Variants in ESRRG observed in about 807,000 individuals in gnomAD.
ESRRG encodes the protein estrogen related receptor gamma, also known as estrogen-related receptor gamma.
A neutral mutation model predicts 44.0 loss-of-function variants in ESRRG; 13 were observed. The observed-to-expected ratio is 0.30, with a 90% CI of 0.19 to 0.47. The LOEUF is 0.47. ESRRG is among the 20% of genes least tolerant of loss of function. ESRRG has a pLI of 1.00. For synonymous variants in ESRRG, 215 were observed against 214.6 expected (o/e 1.00, Z -0.02); for missense variants, 395 against 580.6 (o/e 0.68, Z 3.29).
intron 3 of ESRRG, among the ~76,000 whole-genome samples, chr1:216,597,964 A>G (rs1300842476): frequency 1.3e-5 from 2 of 152,214 alleles, no homozygotes; most frequent in African/African-American, 4.8e-5. Flanking sequence ...AATATTCCAC[A>G]GTATACCTAT....
chr1:216,727,077 A>G (rs12021801), upstream of ESRRG, among the ~76,000 whole-genome samples: 21 of 152,298 alleles, frequency 1.4e-4, no homozygotes, highest in East Asian at 3.9e-3. Context: ...GAAAATTAAC[A>G]GGACTAACCT....
chr1:216,689,865 A>G (rs565867178), intron 1 of ESRRG, among the ~76,000 whole-genome samples: 93 of 152,134 alleles, frequency 6.1e-4, no homozygotes, highest in Non-Finnish European at 1.6e-4. Flanking sequence ...AAATTATAAT[A>G]TGTATTCCAT....
At chr1:216,661,101 T>G (rs1036762874) in intron 2 of ESRRG, among the ~76,000 whole-genome samples, 1 of 152,144 alleles carries the variant, frequency 6.6e-6, no homozygotes. Flanking sequence ...CTAAAGAAAT[T>G]CAATGTTTTT....
chr1:217,032,978 C>T (rs2082296506), intron 1 of ESRRG, among the ~76,000 whole-genome samples: 2 of 152,144 alleles, frequency 1.3e-5, no homozygotes, highest in Admixed American at 1.3e-4. Context: ...CCCCTGTGGC[C>T]ACGTGCCTGC....
intron 1 of ESRRG, among the ~76,000 whole-genome samples, chr1:217,029,080 T>G (rs1276123511): frequency 6.6e-6 from 1 of 151,666 alleles, no homozygotes; most frequent in African/African-American, 2.4e-5. Flanking sequence ...AAGAAGAAAT[T>G]AATTCTAACC....
intron 2 of ESRRG, among the ~76,000 whole-genome samples, chr1:216,849,982 T>G (rs568089067): frequency 6.6e-6 from 1 of 152,260 alleles, no homozygotes; most frequent in South Asian, 2.1e-4. Flanking sequence ...TAATTGCACT[T>G]TAAAATTTTC....
At chr1:217,033,360 C>CAG (rs2082355297) in intron 1 of ESRRG, among the ~76,000 whole-genome samples, 1 of 152,172 alleles carries the variant, frequency 6.6e-6, no homozygotes, top group African/African-American at 2.4e-5. Context: ...TGAGTTCATA[C>CAG]AGTAGAGATG....
chr1:216,850,185 A>T (rs2118153), intron 2 of ESRRG, among the ~76,000 whole-genome samples: 1 of 152,144 alleles, frequency 6.6e-6, no homozygotes, highest in Non-Finnish European at 1.5e-5. Flanking sequence ...TCATCCAAAT[A>T]AATATTTTCT....
intron 1 of ESRRG, among the ~76,000 whole-genome samples, chr1:216,989,905 G>C (rs1370237087): frequency 6.6e-6 from 1 of 152,088 alleles, no homozygotes; most frequent in Non-Finnish European, 1.5e-5. Context: ...AAAATGAGTG[G>C]CTTGGCTTTA....
intron 1 of ESRRG, among the ~76,000 whole-genome samples, chr1:216,691,849 A>G (rs182112811): frequency 6.6e-6 from 1 of 152,284 alleles, no homozygotes; most frequent in East Asian, 1.9e-4. Flanking sequence ...CAGGTCACAA[A>G]TACGACACTG....
In ESRRG at chr1:217,051,761, T is replaced by A. The variant is rs1203988328; in HGVS notation, c.-106+37746A>T. On this transcript the variant is annotated intron_variant, in intron 1 of 7. Transcript: ENST00000359162. ...TCTGGAGTCCTATTCTGCCCTCCCA[T>A]CCCCATACTCCTTTTTTTAAAGACA... 5.9e-5 allele frequency among the ~76,000 whole-genome samples: 9 copies of A among 152,022 alleles called. No individual in the cohort carries two copies. In the East Asian group the frequency reaches 1.7e-3, roughly 29 times the overall value.
chr1:216,634,405 T>A (rs1022486988), intron 3 of ESRRG, among the ~76,000 whole-genome samples: 36 of 152,052 alleles, frequency 2.4e-4, no homozygotes, highest in African/African-American at 8.7e-4. Context: ...GGCTTTTATT[T>A]TTTTTTTTCT....
intron 2 of ESRRG, among the ~76,000 whole-genome samples, chr1:216,888,299 G>A (rs781681293): frequency 6.6e-6 from 1 of 151,998 alleles, no homozygotes; most frequent in African/African-American, 2.4e-5. Flanking sequence ...ATTTCCTATG[G>A]CATCATAAAA....
At chr1:217,011,233 G>A (rs149338930) in intron 1 of ESRRG, among the ~76,000 whole-genome samples, 1 of 152,316 alleles carries the variant, frequency 6.6e-6, no homozygotes, top group African/African-American at 2.4e-5. Context: ...AAGTGAATGT[G>A]ATTTATAAAA....
chr1:216,574,807 A>T (rs946444078), intron 3 of ESRRG, among the ~76,000 whole-genome samples: 2 of 152,154 alleles, frequency 1.3e-5, no homozygotes, highest in Non-Finnish European at 2.9e-5. Context: ...TATAGGGAGC[A>T]GAATGGAAAG....
At chr1:216,937,889 T>A (rs1432634212) in intron 2 of ESRRG, among the ~76,000 whole-genome samples, 2 of 150,246 alleles carry the variant, frequency 1.3e-5, no homozygotes, top group Non-Finnish European at 3.0e-5. Flanking sequence ...GATTTACCTT[T>A]TCCAAACTGA....
At chr1:216,603,948 A>AAAACC (rs1553406167) in intron 3 of ESRRG, among the ~76,000 whole-genome samples, 2 of 131,136 alleles carry the variant, frequency 1.5e-5, no homozygotes, top group Non-Finnish European at 3.2e-5. Flanking sequence ...AAAAAAACAA[A>AAAACC]AAAAAAAAAA....
At chr1:216,901,093 A>C (rs1336382524) in intron 2 of ESRRG, among the ~76,000 whole-genome samples, 2 of 152,110 alleles carry the variant, frequency 1.3e-5, no homozygotes, top group Non-Finnish European at 2.9e-5. Flanking sequence ...ATGTTAACAA[A>C]ACATGATTGG....
intron 2 of ESRRG, among the ~76,000 whole-genome samples, chr1:216,773,876 T>C (rs2093483406): frequency 6.6e-6 from 1 of 152,114 alleles, no homozygotes; most frequent in Admixed American, 6.6e-5. Flanking sequence ...GATAACATTC[T>C]AGTCACAATA....
Sources: gnomAD v4.1 joint callset for allele counts (sites outside exome capture counted in the v4.1 genomes callset) on GRCh38, gnomAD v4.1.1 for gene constraint, MANE v1.5 for transcripts, NCBI Gene and HGNC (gene_info 2026-07-23, HGNC 2026-07-21) for gene names.